Variants in MACF1 observed in about 807,000 individuals in gnomAD.
The protein encoded by MACF1 is microtubule-actin cross-linking factor 1.
A neutral mutation model predicts 854.8 loss-of-function variants in MACF1; 193 were observed. The ratio of observed to expected loss-of-function variants is 0.23; its 90% CI spans 0.20 to 0.25. The LOEUF (loss-of-function observed/expected upper bound fraction) is 0.25, where lower values mean the gene tolerates loss of function less well. Among genes scored for constraint, MACF1 ranks in the 10% least tolerant of loss-of-function variants. MACF1 has a pLI of 1.00. For synonymous variants in MACF1, 3,185 were observed against 3,226.7 expected, an observed-to-expected ratio of 0.99 and a Z score of 0.44; for missense variants, 7,722 against 8,929.1, an observed-to-expected ratio of 0.86 and a Z score of 5.45.
At chr1:39,264,495 A>G (rs960378980) in intron 6 of MACF1, among the ~76,000 whole-genome samples, 4 of 152,146 alleles carry the variant, frequency 2.6e-5, no homozygotes, top group Admixed American at 6.5e-5. Flanking sequence ...GTAAATATTT[A>G]TTAAATGAAT....
intron 97 of MACF1, among the ~76,000 whole-genome samples, chr1:39,472,024 G>A (rs10888788): frequency 0.6 from 90,968 of 151,900 alleles, 29,504 homozygotes; most frequent in South Asian, 0.78. Flanking sequence ...AGTTTCAGGT[G>A]GCCAGCATAA....
chr1:39,108,540 T>C (rs1642309391), intron 2 of MACF1, among the ~76,000 whole-genome samples: 1 of 141,376 alleles, frequency 7.1e-6, no homozygotes, highest in Admixed American at 7.3e-5. Flanking sequence ...AGACGGAGTC[T>C]CACTCTGCTG....
intron 82 of MACF1, 50 bp downstream of exon 82, chr1:39,447,948 T>C: frequency 1.2e-6 from 2 of 1,611,354 alleles, no homozygotes. Context: ...TTGGGCTGCA[T>C]GTATTGAGTC....
At chr1:39,170,866 G>A (rs957816565) in intron 2 of MACF1, among the ~76,000 whole-genome samples, 1 of 152,198 alleles carries the variant, frequency 6.6e-6, no homozygotes, top group Non-Finnish European at 1.5e-5. Context: ...TGTTGAAACA[G>A]ATGGTTTCTT....
In MACF1 at chr1:39,372,571, A is replaced by G. The variant is rs754462102; in HGVS notation, c.13188A>G (p.Thr4396=). 1.9e-6 allele frequency: 3 copies of G among 1,612,826 alleles called. No individual in the cohort carries two copies. The highest frequency in any genetic ancestry group is 1.7e-4 in the Middle Eastern group (1 of 6,056). The part of the protein sequence containing the change: ...TSLENLIMEI[T]APDSQGKTGS... ...TAGAAAATCTCATCATGGAAATCAC[A>G]GCACCTGATTCCCAAGGCAAGACAG... Residue 4396 remains threonine (T), a synonymous_variant, in exon 52 of 101, where the codon ACA becomes ACG. Transcript: ENST00000564288.
At chr1:39,321,411 A>AT (rs910539346) in intron 31 of MACF1, among the ~76,000 whole-genome samples, 14 of 152,226 alleles carry the variant, frequency 9.2e-5, no homozygotes, top group Non-Finnish European at 1.2e-4. Context: ...TCTTACTACT[A>AT]TTTTTTTATG....
chr1:39,452,126 A>G, intron 85 of MACF1, 30 bp from the exon 86 acceptor site: 1 of 1,555,996 alleles, frequency 6.4e-7, no homozygotes, highest in South Asian at 1.2e-5. Flanking sequence ...CATTCCTTGA[A>G]CAAACAAATT....
chr1:39,435,796 G>C (rs1570069783), intron 70 of MACF1, 35 bp downstream of exon 70: 1 of 1,595,468 alleles, frequency 6.3e-7, no homozygotes, highest in East Asian at 2.2e-5. Context: ...ACCTTGAATT[G>C]TCTACTGTTC....
chr1:39,366,373 G>T (rs1336601637), intron 49 of MACF1, among the ~76,000 whole-genome samples: 1 of 151,546 alleles, frequency 6.6e-6, no homozygotes, highest in East Asian at 1.9e-4. Flanking sequence ...CTGCTCTGTT[G>T]CCCAGGCTGG....
chr1:39,440,906 G>A, intron 72 of MACF1, 97 bp from the exon 73 acceptor site: 2 of 1,195,670 alleles, frequency 1.7e-6, no homozygotes, highest in Non-Finnish European at 2.4e-6. Context: ...GTTATGTTGA[G>A]CATCTGCTAT....
intron 87 of MACF1, 32 bp from the exon 88 acceptor site, chr1:39,453,675 T>TA: frequency 3.7e-6 from 6 of 1,608,748 alleles, no homozygotes; most frequent in Non-Finnish European, 5.1e-6. Flanking sequence ...GTAGACTTTT[T>TA]ACGTTTTTGT....
rs577590953 is a variant in MACF1 at position 39,269,496 on chromosome 1, C to T, written c.528+11468C>T. The stretch of plus-strand genomic sequence containing the variant: ...GGAGCCTTCCCATGTGGGTCAAGTG[C>T]CCCCCCAGGATTCCAGACTGCCTAC... On this transcript the variant is annotated intron_variant, in intron 6 of 100. Coordinates refer to ENST00000564288, the MANE Select transcript of MACF1 (RefSeq NM_001394062.1). 14 of 1,289,634 alleles carry T rather than the reference C, an allele frequency of 1.1e-5. No homozygotes were observed. In the East Asian group the frequency reaches 7.2e-4, roughly 66 times the overall value. The allele number at this position is 1,289,634 out of a possible 1,614,324, so 79.9% of individuals were successfully genotyped here. A position where few individuals can be genotyped will look rare whatever the true frequency, so the allele number is the denominator to read the frequency against.
At chr1:39,246,042 C>T (rs1353357682) in intron 2 of MACF1, among the ~76,000 whole-genome samples, 2 of 152,122 alleles carry the variant, frequency 1.3e-5, no homozygotes, top group Admixed American at 6.5e-5. Flanking sequence ...TATTTGATAC[C>T]GGTGATCATT....
chr1:39,427,983 A>G lies in MACF1; in HGVS notation c.16499A>G (p.Asn5500Ser). Residue 5500 changes from asparagine to serine, a missense_variant, in exon 63 of 101, where the codon AAC (asparagine) becomes AGC (serine). Physicochemically the swap from Asn to Ser is conservative, Grantham distance 46 (BLOSUM62 1). Around this residue, in one of 15 missense-constraint regions of MACF1, gnomAD observed 2,807 missense variants for 3,235.8 expected, o/e 0.87. Transcript: ENST00000564288. ...RHKALEEDIE[N>S]HATDVHQAVK... ...CAGGCTCTGGAAGAAGACATAGAAAACCATGCAACAGATGTGCACCAGGCA... is the reference window on the plus strand; with the variant it reads ...CAGGCTCTGGAAGAAGACATAGAAAGCCATGCAACAGATGTGCACCAGGCA... 1.2e-6 allele frequency: 2 copies of G among 1,611,902 alleles called. No individual in the cohort carries two copies. Among genetic ancestry groups the G allele is most frequent in the Non-Finnish European group, 1.7e-6 (2 of 1,178,566 alleles).
At chr1:39,250,269 T>A in intron 3 of MACF1, 166 bp downstream of exon 3, 1 of 432,930 alleles carries the variant, frequency 2.3e-6, no homozygotes, top group East Asian at 3.4e-5. Context: ...AGACTTAGAA[T>A]TTACAAATTA....
At chr1:39,285,854 C>A in intron 14 of MACF1, 96 bp downstream of exon 14, 1 of 1,406,370 alleles carries the variant, frequency 7.1e-7, no homozygotes, top group Non-Finnish European at 9.8e-7. Flanking sequence ...AATCTTTTAA[C>A]CTGGACATTT....
chr1:39,417,424 G>A (rs1643357373), intron 58 of MACF1, among the ~76,000 whole-genome samples: 1 of 152,146 alleles, frequency 6.6e-6, no homozygotes, highest in Non-Finnish European at 1.5e-5. Context: ...GCAAAAATTG[G>A]AGAGCACCAC....
chr1:39,220,861 G>A (rs564379412), intron 1 of MACF1, among the ~76,000 whole-genome samples: 12 of 152,246 alleles, frequency 7.9e-5, no homozygotes, highest in African/African-American at 2.9e-4. Flanking sequence ...CTTAGATACA[G>A]AGCTTTCTAA....
chr1:39,331,383 A>T lies in MACF1; in HGVS notation c.4795A>T (p.Ile1599Leu). 6.2e-7 allele frequency: 1 copy of T among 1,613,804 alleles called. No individual in the cohort carries two copies. The highest frequency in any genetic ancestry group is 8.5e-7 in the Non-Finnish European group (1 of 1,179,930). ...TGAAAACCTCTCTTTGGAGGAGGGC[A>T]TAGCCAGAAACCTCATTAATCCCCA... is the stretch of plus-strand genomic sequence containing the variant. ...TGENLSLEEG[I>L]ARNLINPQMY... The change falls in exon 37 of 101, where the codon ATA becomes TTA. Residue 1599 changes from isoleucine to leucine, a missense_variant. Transcript: ENST00000564288.
Sources: allele counts gnomAD v4.1 joint callset (sites outside exome capture counted in the v4.1 genomes callset), GRCh38; gene constraint gnomAD v4.1.1; regional missense constraint gnomAD v4.1.1; transcripts MANE v1.5; gene names NCBI Gene and HGNC (gene_info 2026-07-23, HGNC 2026-07-21).